The following STK3 variants were observed in gnomAD, a reference collection of about 807,000 sequenced individuals.
STK3 encodes the protein serine/threonine kinase 3.
STK3 carries 41 observed loss-of-function variants against 58.0 expected under a neutral mutation model. The ratio of observed to expected loss-of-function variants is 0.71; its 90% CI spans 0.55 to 0.92. STK3 has a LOEUF of 0.92. Ranked by LOEUF, STK3 falls within the 40% of genes least tolerant of loss-of-function variation. The pLI is 0.00. For missense variants in STK3, 479 were observed against 602.7 expected, an observed-to-expected ratio of 0.79 and a Z score of 2.15; for synonymous variants, 170 against 191.0, an observed-to-expected ratio of 0.89 and a Z score of 0.91.
intron 4 of STK3, among the ~76,000 whole-genome samples, chr8:98,740,597 A>C (rs996144155): frequency 2.0e-4 from 31 of 152,282 alleles, no homozygotes; most frequent in South Asian, 4.2e-4. Context: ...GAAGGAAGCA[A>C]TAAACATGGA....
intron 10 of STK3, among the ~76,000 whole-genome samples, chr8:98,456,373 C>T (rs989422510): frequency 6.6e-6 from 1 of 152,202 alleles, no homozygotes; most frequent in Non-Finnish European, 1.5e-5. Flanking sequence ...TACATCTTTG[C>T]CAGCTACTGA....
At chr8:98,532,999 C>T (rs1018080612) in intron 9 of STK3, among the ~76,000 whole-genome samples, 1 of 151,926 alleles carries the variant, frequency 6.6e-6, no homozygotes, top group African/African-American at 2.4e-5. Flanking sequence ...ATAATGACCT[C>T]AAGGTTCATT....
intron 3 of STK3, among the ~76,000 whole-genome samples, chr8:98,840,350 TAAA>T (rs775446064): frequency 2.0e-5 from 2 of 100,826 alleles, no homozygotes; most frequent in Admixed American, 1.0e-4. Flanking sequence ...AGACTCTGGT[TAAA>T]AAAAAAAAAA....
chr8:98,609,756 C>T (rs991221556), intron 6 of STK3, among the ~76,000 whole-genome samples: 1 of 151,892 alleles, frequency 6.6e-6, no homozygotes, highest in Non-Finnish European at 1.5e-5. Flanking sequence ...GTCAGGAGAT[C>T]GAGACCATCC....
intron 3 of STK3, among the ~76,000 whole-genome samples, chr8:98,869,157 T>C (rs1837267710): frequency 6.6e-6 from 1 of 152,072 alleles, no homozygotes; most frequent in Admixed American, 6.5e-5. Flanking sequence ...CTGGTGGCTC[T>C]TGCCCGTAGT....
At chr8:98,412,507 T>C (rs1818068762) in intron 3 of STK3, among the ~76,000 whole-genome samples, 1 of 152,224 alleles carries the variant, frequency 6.6e-6, no homozygotes, top group Non-Finnish European at 1.5e-5. Flanking sequence ...CAAAGCCAAC[T>C]TGATTGCCAA....
chr8:98,376,576 G>C (rs938511976), intron 2 of STK3, among the ~76,000 whole-genome samples: 3 of 152,140 alleles, frequency 2.0e-5, no homozygotes, highest in African/African-American at 7.2e-5. Flanking sequence ...TATGTTCTGA[G>C]TTAATTTTTG....
intron 10 of STK3, among the ~76,000 whole-genome samples, chr8:98,483,667 T>C (rs1455283622): frequency 6.6e-6 from 1 of 152,168 alleles, no homozygotes; most frequent in East Asian, 1.9e-4. Context: ...AAAAAGACCT[T>C]AAAATAACCA....
chr8:98,508,100 T>C (rs771727776), intron 10 of STK3, among the ~76,000 whole-genome samples: 12 of 152,214 alleles, frequency 7.9e-5, no homozygotes, highest in Non-Finnish European at 1.8e-4. Flanking sequence ...TTTGTTGCTA[T>C]ATCATGAATA....
intron 3 of STK3, among the ~76,000 whole-genome samples, 189 bp from the exon 4 acceptor site, chr8:98,749,579 C>T (rs543976903): frequency 1.5e-4 from 23 of 151,908 alleles, no homozygotes; most frequent in Non-Finnish European, 2.2e-4. Context: ...ACTTCATGGA[C>T]GAAATTTAAC....
At position 98,651,509 on chromosome 8, in the gene STK3, G is replaced by C. The variant is rs1394256035; in HGVS notation, c.684+54958C>G. ...GGACGGAGAATGACTTTGACGAGTTGAGAGAAGAAGGCTTCAGACGATCAA... is the reference window on the plus strand; with the variant it reads ...GGACGGAGAATGACTTTGACGAGTTCAGAGAAGAAGGCTTCAGACGATCAA... On this transcript the variant is annotated intron_variant, in intron 6 of 10. Coordinates refer to ENST00000419617, the MANE Select transcript of STK3 (RefSeq NM_006281.4). 4 of 152,302 alleles carry C rather than the reference G, an allele frequency of 2.6e-5. No homozygotes were observed. In the East Asian group the frequency reaches 5.8e-4, roughly 22 times the overall value. 9.4% of individuals were successfully genotyped at this position (152,302 alleles called of 1,614,324 possible). A position where few individuals can be genotyped will look rare whatever the true frequency, so the allele number is the denominator to read the frequency against.
intron 3 of STK3, among the ~76,000 whole-genome samples, chr8:98,858,290 GTATATATATATATATATATA>G (rs71572027): frequency 1.5e-4 from 5 of 34,370 alleles, no homozygotes; most frequent in South Asian, 2.3e-3. Context: ...ACATACATAC[GTATATATATATATATATATA>G]TATATATATA....
chr8:98,712,992 G>A lies in STK3; in HGVS notation c.352-5681C>T, dbSNP rs1342244449. Among the ~76,000 whole-genome samples, 74 of 152,094 alleles carry A rather than the reference G, an allele frequency of 4.9e-4. 1 individual carries two copies. The highest frequency in any genetic ancestry group is 1.5e-3 in the East Asian group (8 of 5,186). ...AGGATTAAGAAACTCACTCAAAACCGCTCAACTACATGGAAACTGAACAAC... is the reference window on the plus strand; with the variant it reads ...AGGATTAAGAAACTCACTCAAAACCACTCAACTACATGGAAACTGAACAAC... On this transcript the variant is annotated intron_variant, in intron 4 of 10. Transcript: ENST00000419617.
rs187906122 is a variant in STK3, at chr8:98,783,052, A to G, written c.27-8233T>C. On this transcript the variant is annotated intron_variant, in intron 1 of 10. Transcript: ENST00000419617. ...GAGAGAGAGAGAGAGAGAGAACCAA[A>G]ATATATTATGATCAAATTGCTGAAC... 8.5e-3 allele frequency among the ~76,000 whole-genome samples: 1,295 copies of G among 152,140 alleles called. 8 individuals carry two copies. The highest frequency in any genetic ancestry group is 0.029 in the African/African-American group (1,219 of 41,488).
intron 8 of STK3, among the ~76,000 whole-genome samples, chr8:98,576,196 A>T (rs1447534145): frequency 6.6e-6 from 1 of 152,214 alleles, no homozygotes; most frequent in East Asian, 1.9e-4. Flanking sequence ...CTCTGTTAAA[A>T]ATCAGTTGGC....
chr8:98,931,756 C>T (rs1402288115), intron 1 of STK3, among the ~76,000 whole-genome samples: 1 of 152,164 alleles, frequency 6.6e-6, no homozygotes, highest in East Asian at 1.9e-4. Flanking sequence ...CTCTGGAATA[C>T]ACAACAATCT....
intron 6 of STK3, among the ~76,000 whole-genome samples, chr8:98,705,353 G>T (rs548198270): frequency 6.6e-6 from 1 of 151,594 alleles, no homozygotes; most frequent in African/African-American, 2.4e-5. Flanking sequence ...GTCGAGGCTC[G>T]AGTGAGCCAT....
downstream of STK3, among the ~76,000 whole-genome samples, chr8:98,453,914 C>A (rs1464215760): frequency 6.6e-6 from 1 of 152,130 alleles, no homozygotes; most frequent in African/African-American, 2.4e-5. Context: ...TTCAGTTGAT[C>A]AACTCACACA....
chr8:98,607,297 C>A (rs1554631766), intron 6 of STK3, among the ~76,000 whole-genome samples: 1 of 152,122 alleles, frequency 6.6e-6, no homozygotes, highest in Non-Finnish European at 1.5e-5. Flanking sequence ...CAAGTCAAAT[C>A]TTTTTTTCAT....
Sources: allele counts gnomAD v4.1 joint callset (sites outside exome capture counted in the v4.1 genomes callset), GRCh38; gene constraint gnomAD v4.1.1; transcripts MANE v1.5; gene names NCBI Gene and HGNC (gene_info 2026-07-23, HGNC 2026-07-21).